Variants in ZNF233 observed in about 807,000 individuals in gnomAD.
The protein encoded by ZNF233 is zinc finger protein 233.
In ZNF233, 7 loss-of-function variants were observed where a neutral mutation model predicts 11.6. The observed-to-expected ratio is 0.60, with a 90% CI of 0.34 to 1.13. ZNF233 has a LOEUF of 1.13. ZNF233 is among the 50% of genes most tolerant of loss of function. The pLI is 0.03. For synonymous variants in ZNF233, 226 were observed against 268.5 expected (o/e 0.84, Z 1.55); for missense variants, 711 against 785.5 (o/e 0.91, Z 1.13).
intron 2 of ZNF233, among the ~76,000 whole-genome samples, 178 bp downstream of exon 2, chr19:44,264,553 T>C (rs1167753865): frequency 6.6e-6 from 1 of 152,208 alleles, no homozygotes; most frequent in African/African-American, 2.4e-5. Flanking sequence ...TTTGTTTTGG[T>C]AGTTTTATTT....
At position 44,275,068 on chromosome 19, in the gene ZNF233, CTA is replaced by C; in HGVS notation, c.*396_*397del. Reference sequence around the variant, plus strand: ...TGACAAAATCTGTGTCCACTAGAATCTAAGCTCCATGCAGGAACATTGTTTAC... The same window carrying C: ...TGACAAAATCTGTGTCCACTAGAATCAGCTCCATGCAGGAACATTGTTTAC... On this transcript the variant is annotated 3_prime_UTR_variant, in exon 5 of 5. Coordinates refer to ENST00000683810, the MANE Select transcript of ZNF233 (RefSeq NM_001207005.2). 2 of 404,924 alleles carry C rather than the reference CTA, an allele frequency of 4.9e-6. No individual in the cohort carries two copies. Among genetic ancestry groups the C allele is most frequent in the Non-Finnish European group, 8.7e-6 (2 of 229,398 alleles). The allele number at this position is 404,924 out of a possible 1,614,324, so 25.1% of individuals were successfully genotyped here. A position where few individuals can be genotyped will look rare whatever the true frequency, so the allele number is the denominator to read the frequency against.
rs67044027 is a variant in ZNF233 at position 44,265,366 on chromosome 19, T to TAC, written c.16-789_16-788dup. On this transcript the variant is annotated intron_variant, in intron 2 of 4. Transcript: ENST00000683810. ...TGAGTAGTATTCCATCATATATATA[T>TAC]ACACACACACACACACACACACACA... is the stretch of plus-strand genomic sequence containing the variant. Among the ~76,000 whole-genome samples the TAC allele has an allele frequency of 8.0e-3, 1,069 of 133,158 alleles. 3 individuals carry two copies. Among genetic ancestry groups the TAC allele is most frequent in the Non-Finnish European group, 0.011 (711 of 64,564 alleles). 87.4% of individuals were successfully genotyped at this position (133,158 alleles called of 152,430 possible). A position where few individuals can be genotyped will look rare whatever the true frequency, so the allele number is the denominator to read the frequency against.
intron 2 of ZNF233, among the ~76,000 whole-genome samples, chr19:44,265,961 CCAAATTAAA>C (rs1975070568): frequency 6.6e-6 from 1 of 152,122 alleles, no homozygotes; most frequent in Admixed American, 6.5e-5. Flanking sequence ...ACAAATGTCA[CCAAATTAAA>C]TACACAGGGG....
In ZNF233 at chr19:44,266,953, G is replaced by A. The variant is rs1238139005; in HGVS notation, c.230G>A (p.Gly77Glu). The change falls in exon 4 of 5, where the codon GGG becomes GAG. Residue 77 changes from glycine (G) to glutamate (E), a missense_variant. Gly to Glu is a moderately conservative substitution (Grantham distance 98, BLOSUM62 -2). Transcript: ENST00000683810. ...RMMETEIQGDGCSGHKNQNEI... is the reference protein window; with the variant it reads ...RMMETEIQGDECSGHKNQNEI... Reference sequence around the variant, plus strand: ...ATGGAGACAGAAATCCAAGGAGATGGGTGTTCAGGTGAGAACCATGGAGCT... The same window carrying A: ...ATGGAGACAGAAATCCAAGGAGATGAGTGTTCAGGTGAGAACCATGGAGCT... The A allele has an allele frequency of 6.2e-7, 1 of 1,613,094 alleles. No individual in the cohort carries two copies. The highest frequency in any genetic ancestry group is 8.5e-7 in the Non-Finnish European group (1 of 1,179,358).
rs543767651 is a variant in ZNF233 at position 44,274,184 on chromosome 19, C to A, written c.1524C>A (p.Tyr508Ter). The change falls in exon 5 of 5, where the codon TAC (tyrosine) becomes TAA (stop). Residue 508 changes from tyrosine to a stop codon, truncating the protein, a stop_gained. Transcript: ENST00000683810. LOFTEE classifies it low-confidence loss of function (END_TRUNC). ...HQRVHTGEKP[Y>*]KCDTCGKDFS... ...GAGTCCATACAGGAGAGAAACCCTA[C>A]AAATGTGACACATGTGGGAAGGACT... 6.2e-7 allele frequency: 1 copy of A among 1,613,906 alleles called. No individual in the cohort carries two copies. The highest frequency in any genetic ancestry group is 1.1e-5 in the South Asian group (1 of 91,064).
intron 4 of ZNF233, among the ~76,000 whole-genome samples, chr19:44,270,767 C>T (rs1251645864): frequency 6.6e-6 from 1 of 152,188 alleles, no homozygotes; most frequent in African/African-American, 2.4e-5. Flanking sequence ...GCTAAGTGAA[C>T]CATTCCCTAC....
At chr19:44,260,204 T>C (rs1974897085) in intron 1 of ZNF233, 1 of 206,986 alleles carries the variant, frequency 4.8e-6, no homozygotes, top group Non-Finnish European at 1.0e-5. Flanking sequence ...GGCAATATAA[T>C]CTTGGTAGTT....
Position 44,273,778 on chromosome 19 carries a change from G to A in ZNF233, c.1118G>A (p.Gly373Asp), listed in dbSNP as rs370262392. Reference sequence around the variant, plus strand: ...CCAGGAGAGAAGTTGTGTACATGTGGCAGGTGTGGGAAGGGCTTCCATCAT... The same window carrying A: ...CCAGGAGAGAAGTTGTGTACATGTGACAGGTGTGGGAAGGGCTTCCATCAT... ...THPGEKLCTC[G>D]RCGKGFHHSL... is the part of the protein sequence containing the mutation. The change falls in exon 5 of 5, where the codon GGC becomes GAC. Residue 373 changes from glycine (G) to aspartate (D), a missense_variant. Transcript: ENST00000683810. 3.9e-5 allele frequency: 63 copies of A among 1,614,046 alleles called. No individual in the cohort carries two copies. The highest frequency in any genetic ancestry group is 5.2e-5 in the Non-Finnish European group (61 of 1,180,042).
rs765304036 is a variant in ZNF233 at position 44,273,892 on chromosome 19, C to G, written c.1232C>G (p.Ser411Ter). 6.2e-7 allele frequency: 1 copy of G among 1,614,210 alleles called. No individual in the cohort carries two copies. The highest frequency in any genetic ancestry group is 8.5e-7 in the Non-Finnish European group (1 of 1,180,044). ...DVYDKGFSQT[S>*]QLQAHQRGHS... is the part of the protein sequence containing the mutation. ...TATGATAAAGGCTTCAGTCAGACAT[C>G]ACAACTTCAAGCCCATCAGAGAGGT... The change falls in exon 5 of 5, where the codon TCA becomes TGA. Residue 411 changes from serine (S) to a stop codon, truncating the protein, a stop_gained. Coordinates refer to ENST00000683810, the MANE Select transcript of ZNF233 (RefSeq NM_001207005.2). LOFTEE classifies it low-confidence loss of function (END_TRUNC).
rs16978889 is a variant in ZNF233, at chr19:44,263,781, A to G, written c.-47-533A>G. ...TCTGGATGTTATAAAAGACTCTCTT[A>G]TTGGAAATGATGGCAAAAGACATTT... On this transcript the variant is annotated intron_variant, in intron 1 of 4. Transcript: ENST00000683810. Among the ~76,000 whole-genome samples, 933 of 152,360 alleles carry G rather than the reference A, an allele frequency of 6.1e-3. 17 individuals carry two copies. The highest frequency in any genetic ancestry group is 0.021 in the African/African-American group (875 of 41,584).
intron 4 of ZNF233, among the ~76,000 whole-genome samples, chr19:44,272,173 A>C (rs1243244693): frequency 6.6e-6 from 1 of 151,254 alleles, no homozygotes; most frequent in African/African-American, 2.4e-5. Context: ...GGTTTCAGTA[A>C]GCCAAGATCG....
chr19:44,260,371 AT>A (rs1974903105), intron 1 of ZNF233, among the ~76,000 whole-genome samples: 1 of 152,032 alleles, frequency 6.6e-6, no homozygotes, highest in African/African-American at 2.4e-5. Context: ...CCAATCTGTT[AT>A]TTCTTCCTGG....
Position 44,264,343 on chromosome 19 carries a change from C to G in ZNF233, c.-18C>G. Reference sequence around the variant, plus strand: ...GCCTTCCCAGGACCCTGCCCTTCCCCAGAAGGAGCAGGAGAAAATGACCAA... The same window carrying G: ...GCCTTCCCAGGACCCTGCCCTTCCCGAGAAGGAGCAGGAGAAAATGACCAA... On this transcript the variant is annotated 5_prime_UTR_variant, in exon 2 of 5. Coordinates refer to ENST00000683810, the MANE Select transcript of ZNF233 (RefSeq NM_001207005.2). The G allele has an allele frequency of 6.2e-7, 1 of 1,613,172 alleles. No homozygotes were observed. The highest frequency in any genetic ancestry group is 1.1e-5 in the South Asian group (1 of 90,960).
At chr19:44,267,175 A>G (rs1975113152) in intron 4 of ZNF233, 3 of 438,392 alleles carry the variant, frequency 6.8e-6, no homozygotes, top group Non-Finnish European at 1.2e-5. Flanking sequence ...CCTTGGCTCA[A>G]AAGCCTTCTG....
Position 44,273,422 on chromosome 19 carries a change from A to G in ZNF233, c.762A>G (p.Gln254=), listed in dbSNP as rs1404078931. 1 of 1,614,092 alleles carries G rather than the reference A, an allele frequency of 6.2e-7. No individual in the cohort carries two copies. The highest frequency in any genetic ancestry group is 2.2e-5 in the East Asian group (1 of 44,900). Residue 254 remains glutamine (Q), a synonymous_variant, in exon 5 of 5, where the codon CAA becomes CAG. Coordinates refer to ENST00000683810, the MANE Select transcript of ZNF233 (RefSeq NM_001207005.2). ...AATCATCCCAGCATAGCATAATCCA[A>G]TCAGGAGAGCAAACCTCTGATGAAA... is the stretch of plus-strand genomic sequence containing the variant. ...VKESSQHSII[Q]SGEQTSDENG... is the part of the protein sequence containing the mutation.
intron 3 of ZNF233, among the ~76,000 whole-genome samples, 185 bp from the exon 4 acceptor site, chr19:44,266,681 T>C (rs1044525101): frequency 6.6e-6 from 1 of 152,224 alleles, no homozygotes; most frequent in Non-Finnish European, 1.5e-5. Context: ...ATCTGATCAC[T>C]TGATTTCAGT....
intron 3 of ZNF233, 129 bp from the exon 4 acceptor site, chr19:44,266,737 A>G: frequency 1.7e-6 from 1 of 602,028 alleles, no homozygotes; most frequent in Admixed American, 3.0e-5. Flanking sequence ...ATTAAAAGGT[A>G]TTCAGACAAT....
chr19:44,275,087 A>G lies in ZNF233; in HGVS notation c.*414A>G, dbSNP rs191949692. 106 of 403,138 alleles carry G rather than the reference A, an allele frequency of 2.6e-4. No homozygotes were observed. Among genetic ancestry groups the G allele is most frequent in the African/African-American group, 2.0e-3 (97 of 48,736 alleles). The allele number at this position is 403,138 out of a possible 1,614,324, so 25.0% of individuals were successfully genotyped here. A position where few individuals can be genotyped will look rare whatever the true frequency, so the allele number is the denominator to read the frequency against. ...TAGAATCTAAGCTCCATGCAGGAACATTGTTTACTGCTGCATGATCGTGAC... is the reference window on the plus strand; with the variant it reads ...TAGAATCTAAGCTCCATGCAGGAACGTTGTTTACTGCTGCATGATCGTGAC... On this transcript the variant is annotated 3_prime_UTR_variant, in exon 5 of 5. Transcript: ENST00000683810.
Position 44,272,910 on chromosome 19 carries a change from C to G in ZNF233, c.250C>G (p.Gln84Glu), listed in dbSNP as rs1285436511. 3 of 1,566,952 alleles carry G rather than the reference C, an allele frequency of 1.9e-6. No homozygotes were observed. Among genetic ancestry groups the G allele is most frequent in the African/African-American group, 2.7e-5 (2 of 73,112 alleles). ...CTTTATCATTCTAGGACACAAGAAT[C>G]AAAATGAGATAGATACCCTTCAAGA... ...QGDGCSGHKN[Q>E]NEIDTLQEVR... is the part of the protein sequence containing the mutation. The change falls in exon 5 of 5, where the codon CAA becomes GAA. Residue 84 changes from glutamine to glutamate, a missense_variant. Transcript: ENST00000683810.
Sources: gnomAD v4.1 joint callset for allele counts (sites outside exome capture counted in the v4.1 genomes callset) on GRCh38, gnomAD v4.1.1 for gene constraint, MANE v1.5 for transcripts, NCBI Gene and HGNC (gene_info 2026-07-23, HGNC 2026-07-21) for gene names.